MUC22: variants seen among roughly 807,000 people sequenced by gnomAD.
The protein encoded by MUC22 is mucin 22.
Under a neutral mutation model 40.3 loss-of-function variants are expected in MUC22, and 24 were observed. That is an observed-to-expected ratio of 0.60 (90% CI 0.43 to 0.84). The LOEUF (loss-of-function observed/expected upper bound fraction) is 0.84, where lower values mean the gene tolerates loss of function less well. Ranked by LOEUF, MUC22 falls within the 40% of genes least tolerant of loss-of-function variation. The probability of loss-of-function intolerance (pLI) is 0.00; values close to 1 mark genes in which losing one functional copy is unlikely to be tolerated. For missense variants in MUC22, 1,926 were observed against 2,130.7 expected (o/e 0.90, Z 1.89); for synonymous variants, 765 against 844.5 (o/e 0.91, Z 1.63).
chr6:31,029,586 C>T (rs1252780792), exon 2 of MUC22: 1 of 1,534,328 alleles, frequency 6.5e-7, no homozygotes, highest in Non-Finnish European at 8.7e-7. Context: ...GCTCTGAGAC[C>T]ACCACAGCCT....
intron 1 of MUC22, among the ~76,000 whole-genome samples, chr6:31,019,475 C>A (rs1444658371): frequency 6.6e-6 from 1 of 152,162 alleles, no homozygotes; most frequent in Non-Finnish European, 1.5e-5. Flanking sequence ...AATGATTAAG[C>A]CCCAGATCAT....
chr6:31,019,747 A>G (rs1764533307), intron 1 of MUC22, among the ~76,000 whole-genome samples: 1 of 152,196 alleles, frequency 6.6e-6, no homozygotes, highest in Admixed American at 6.5e-5. Context: ...CCAGCTACTC[A>G]GGAGGCTGAG....
intron 1 of MUC22, among the ~76,000 whole-genome samples, chr6:31,022,120 G>C (rs568470814): frequency 6.6e-6 from 1 of 152,012 alleles, no homozygotes; most frequent in Non-Finnish European, 1.5e-5. Flanking sequence ...AAGAAACTCC[G>C]AACACATCTG....
In MUC22 at chr6:31,028,143, GACCACCATGGTCTCTAC is replaced by G; in HGVS notation, c.2713_2729del (p.Thr905HisfsTer4). ...CTACAGTCTCCACCACAGACTCTGAGACCACCATGGTCTCTACCACAGGCTCTGAGAGGACCATCACC... is the reference window on the plus strand; with the variant it reads ...CTACAGTCTCCACCACAGACTCTGAGCACAGGCTCTGAGAGGACCATCACC... On this transcript the variant is annotated frameshift_variant, in exon 2 of 4. Transcript: ENST00000561890. LOFTEE classifies it high-confidence loss of function. 1.3e-6 allele frequency: 2 copies of G among 1,533,532 alleles called. No homozygotes were observed. The highest frequency in any genetic ancestry group is 1.7e-6 in the Non-Finnish European group (2 of 1,146,480). The allele number at this position is 1,533,532 out of a possible 1,614,324, so 95.0% of individuals were successfully genotyped here.
At chr6:31,010,382 G>A (rs1022682112), upstream of MUC22, 19 of 305,350 alleles carry the variant, frequency 6.2e-5, no homozygotes, top group Admixed American at 2.7e-4. Flanking sequence ...AAAGCACAGC[G>A]CAGAAATGCC....
chr6:31,015,972 T>C (rs1764167305), intron 1 of MUC22, among the ~76,000 whole-genome samples: 1 of 152,174 alleles, frequency 6.6e-6, no homozygotes, highest in Non-Finnish European at 1.5e-5. Flanking sequence ...AATTTTCTTA[T>C]ATTTCTTCTT....
exon 2 of MUC22, chr6:31,030,084 C>T (rs1185387052): frequency 2.0e-6 from 3 of 1,531,394 alleles, no homozygotes; most frequent in African/African-American, 2.7e-5. Context: ...AGCCCATCAC[C>T]AACACACCTA....
At chr6:31,022,292 G>A (rs1764882249) in intron 1 of MUC22, among the ~76,000 whole-genome samples, 1 of 152,004 alleles carries the variant, frequency 6.6e-6, no homozygotes, top group African/African-American at 2.4e-5. Flanking sequence ...CGAGTAGCTG[G>A]GATTACAGGC....
exon 2 of MUC22, chr6:31,025,807 G>A (rs1562600118): frequency 4.6e-6 from 7 of 1,532,308 alleles, no homozygotes; most frequent in Non-Finnish European, 5.2e-6. Flanking sequence ...TGCAGGCTCT[G>A]AAACTATCGT....
chr6:31,030,042 T>G, exon 2 of MUC22: 4 of 1,535,748 alleles, frequency 2.6e-6, no homozygotes, highest in Non-Finnish European at 3.5e-6. Flanking sequence ...CCACCACGTT[T>G]GTACTCACCA....
chr6:31,017,957 G>A (rs1440981941), intron 1 of MUC22, among the ~76,000 whole-genome samples: 14 of 152,196 alleles, frequency 9.2e-5, no homozygotes, highest in Admixed American at 4.6e-4. Context: ...CACTCACTGC[G>A]AAAATCTGCA....
At chr6:31,028,007 C>G (rs960372529) in exon 2 of MUC22, 12 of 1,533,100 alleles carry the variant, frequency 7.8e-6, no homozygotes, top group Non-Finnish European at 1.0e-5. Flanking sequence ...ACCACAGCAT[C>G]TACTGCAGAT....
chr6:31,026,371 G>A (rs947214917), exon 2 of MUC22: 2 of 1,506,912 alleles, frequency 1.3e-6, no homozygotes, highest in Non-Finnish European at 1.8e-6. Flanking sequence ...CTCTATTTCA[G>A]GTTCTGAGAT....
At chr6:31,022,877 C>A (rs1043212546) in intron 1 of MUC22, among the ~76,000 whole-genome samples, 1 of 152,180 alleles carries the variant, frequency 6.6e-6, no homozygotes, top group African/African-American at 2.4e-5. Context: ...TGCCTGTAAT[C>A]CTAGCCCTTT....
chr6:31,026,663 C>T, exon 2 of MUC22: 4 of 1,507,926 alleles, frequency 2.7e-6, no homozygotes, highest in Non-Finnish European at 3.5e-6. Context: ...ACAGCCTATA[C>T]TGCAGATTCT....
intron 1 of MUC22, among the ~76,000 whole-genome samples, chr6:31,020,646 C>T (rs145650577): frequency 0.12 from 17,843 of 152,042 alleles, 1,222 homozygotes; most frequent in African/African-American, 0.16. Flanking sequence ...TTCAGCCCAC[C>T]GCTGCACTGT....
intron 2 of MUC22, among the ~76,000 whole-genome samples, chr6:31,031,256 G>A (rs564210032): frequency 6.6e-6 from 1 of 152,248 alleles, no homozygotes; most frequent in South Asian, 2.1e-4. Context: ...CTATCCCTGT[G>A]AGCAGCCTTC....
chr6:31,022,776 C>T (rs1764969857), intron 1 of MUC22, among the ~76,000 whole-genome samples: 1 of 148,160 alleles, frequency 6.7e-6, no homozygotes, highest in Non-Finnish European at 1.5e-5. Context: ...AATCCTAGAG[C>T]AAAGGCACAC....
intron 1 of MUC22, among the ~76,000 whole-genome samples, chr6:31,017,191 G>A (rs12204842): frequency 0.12 from 18,215 of 152,232 alleles, 1,273 homozygotes; most frequent in African/African-American, 0.17. Flanking sequence ...ACTGGCGCAC[G>A]GCGTGGGACT....
Sources: gnomAD v4.1 joint callset for allele counts (sites outside exome capture counted in the v4.1 genomes callset) on GRCh38, gnomAD v4.1.1 for gene constraint, MANE v1.5 for transcripts, NCBI Gene and HGNC (gene_info 2026-07-23, HGNC 2026-07-21) for gene names.